Variants in CSN2 observed in about 807,000 individuals in gnomAD.
CSN2 encodes casein beta, also known as beta-casein.
In CSN2, 27 loss-of-function variants were observed where a neutral mutation model predicts 27.3. That is an observed-to-expected ratio of 0.99 (90% CI 0.73 to 1.36). The LOEUF (loss-of-function observed/expected upper bound fraction) is 1.36. CSN2 is among the 40% of genes most tolerant of loss of function. The probability of loss-of-function intolerance (pLI) is 0.00; values close to 1 mark genes in which losing one functional copy is unlikely to be tolerated. For synonymous variants in CSN2, 131 were observed against 94.8 expected (o/e 1.38, Z -2.22); for missense variants, 333 against 264.5 (o/e 1.26, Z -1.80).
At position 69,956,458 on chromosome 4, in the gene CSN2, C is replaced by CAG. The variant is rs1723399725; in HGVS notation, c.676-104_676-103insCT. ...AATAAGCATCTCCGTCTTTTGCCTTCATATATATTTACAGCAAAAACCAGA... is the reference window on the plus strand; with the variant it reads ...AATAAGCATCTCCGTCTTTTGCCTTCAGATATATATTTACAGCAAAAACCAGA... On this transcript the variant is annotated intron_variant, in intron 6 of 7. Transcript: ENST00000353151. The CAG allele has an allele frequency of 1.7e-5, 16 of 925,390 alleles. No individual in the cohort carries two copies. The East Asian group carries it at 5.6e-4, about 32-fold the overall frequency. The allele number at this position is 925,390 out of a possible 1,614,324, so 57.3% of individuals were successfully genotyped here.
intron 2 of CSN2, 146 bp downstream of exon 2, chr4:69,960,799 T>G (rs942790673): frequency 4.6e-6 from 3 of 652,056 alleles, no homozygotes; most frequent in Non-Finnish European, 7.8e-6. Flanking sequence ...TGGGTAAATA[T>G]AAATGATTTT....
At position 69,957,653 on chromosome 4, in the gene CSN2, A is replaced by C; in HGVS notation, c.296T>G (p.Met99Arg). 1 of 1,613,952 alleles carries C rather than the reference A, an allele frequency of 6.2e-7. No homozygotes were observed. The highest frequency in any genetic ancestry group is 8.5e-7 in the Non-Finnish European group (1 of 1,179,988). ...VVLPVPQPEIMEVPKAKDTVY... is the reference protein window; with the variant it reads ...VVLPVPQPEIREVPKAKDTVY... ...AGTGTCTTTAGCTTTAGGGACTTCC[A>C]TTATTTCAGGCTGAGGGACAGGCAG... The change falls in exon 6 of 8, where the codon ATG becomes AGG. Residue 99 changes from methionine to arginine, a missense_variant. Coordinates refer to ENST00000353151, the MANE Select transcript of CSN2 (RefSeq NM_001891.4).
chr4:69,963,773 AG>A (rs1443336937), intron 1 of CSN2, among the ~76,000 whole-genome samples: 1 of 152,254 alleles, frequency 6.6e-6, no homozygotes, highest in Admixed American at 6.5e-5. Flanking sequence ...ATTTAAAAAA[AG>A]ATTTATTCAT....
chr4:69,963,498 A>C (rs891047981), intron 1 of CSN2, among the ~76,000 whole-genome samples: 2 of 151,588 alleles, frequency 1.3e-5, no homozygotes, highest in Admixed American at 6.6e-5. Flanking sequence ...AAAAAAACCA[A>C]ACACCACATG....
Position 69,957,590 on chromosome 4 carries a change from G to A in CSN2, c.359C>T (p.Ser120Phe). The change falls in exon 6 of 8, where the codon TCT (serine) becomes TTT (phenylalanine). Residue 120 changes from serine to phenylalanine, a missense_variant. Coordinates refer to ENST00000353151, the MANE Select transcript of CSN2 (RefSeq NM_001891.4). ...TKGRVMPVLK[S>F]PTIPFFDPQI... is the part of the protein sequence containing the mutation. ...AGGGTCAAAAAAGGGTATCGTTGGAGATTTAAGGACAGGCATCACTCTGCC... is the reference window on the plus strand; with the variant it reads ...AGGGTCAAAAAAGGGTATCGTTGGAAATTTAAGGACAGGCATCACTCTGCC... The A allele has an allele frequency of 6.2e-7, 1 of 1,613,988 alleles. No homozygotes were observed. The highest frequency in any genetic ancestry group is 8.5e-7 in the Non-Finnish European group (1 of 1,179,996).
rs369031805 is a variant in CSN2, at chr4:69,956,281, G to A, written c.*36+33C>T. 23 of 1,319,244 alleles carry A rather than the reference G, an allele frequency of 1.7e-5. No individual in the cohort carries two copies. In the African/African-American group the frequency reaches 3.2e-4, roughly 18 times the overall value. 81.7% of individuals were successfully genotyped at this position (1,319,244 alleles called of 1,614,324 possible). ...GTAAAAAGACATCATGTATAAAAAT[G>A]ATCAATTAAATCTCCAAACTCCCAA... is the stretch of plus-strand genomic sequence containing the variant. On this transcript the variant is annotated intron_variant, in intron 7 of 7. Transcript: ENST00000353151.
At position 69,957,543 on chromosome 4, in the gene CSN2, G is replaced by A; in HGVS notation, c.406C>T (p.Leu136Phe). Residue 136 changes from leucine to phenylalanine, a missense_variant, in exon 6 of 8, where the codon CTT becomes TTT. Coordinates refer to ENST00000353151, the MANE Select transcript of CSN2 (RefSeq NM_001891.4). ...GGCAGAGGAAGATGCAGATTTTCAAGATCAGTGAGTTTTGGGATTTGAGGG... is the reference window on the plus strand; with the variant it reads ...GGCAGAGGAAGATGCAGATTTTCAAAATCAGTGAGTTTTGGGATTTGAGGG... The part of the protein sequence containing the change: ...FDPQIPKLTD[L>F]ENLHLPLPLL... 3 of 1,613,930 alleles carry A rather than the reference G, an allele frequency of 1.9e-6. No individual in the cohort carries two copies. In the East Asian group the frequency reaches 6.7e-5, roughly 36 times the overall value.
chr4:69,958,857 T>A, intron 5 of CSN2, 52 bp downstream of exon 5: 1 of 1,081,618 alleles, frequency 9.2e-7, no homozygotes, highest in Non-Finnish European at 1.3e-6. Flanking sequence ...TATTTTTGTA[T>A]GTATTATACT....
intron 3 of CSN2, 112 bp downstream of exon 3, chr4:69,959,941 A>C: frequency 1.1e-6 from 1 of 881,150 alleles, no homozygotes; most frequent in Non-Finnish European, 1.8e-6. Flanking sequence ...AATATGTACT[A>C]GAACTTATAT....
chr4:69,959,270 CA>C (rs151276704), intron 3 of CSN2, among the ~76,000 whole-genome samples: 5,447 of 151,326 alleles, frequency 0.036, 320 homozygotes, highest in African/African-American at 0.12. Context: ...GGACATGGTA[CA>C]AAAAAAAGCA....
rs753335299 is a variant in CSN2, at chr4:69,957,427, G to A, written c.522C>T (p.Pro174=). The change falls in exon 6 of 8, where the codon CCC becomes CCT. Residue 174 remains proline (P), a synonymous_variant. Coordinates refer to ENST00000353151, the MANE Select transcript of CSN2 (RefSeq NM_001891.4). Reference sequence around the variant, plus strand: ...CTTGCTGGGGGATAGGCAGGACTTTGGGCTGAGGAACAGACCACAGGGGCT... The same window carrying A: ...CTTGCTGGGGGATAGGCAGGACTTTAGGCTGAGGAACAGACCACAGGGGCT... ...PPQPLWSVPQ[P]KVLPIPQQVV... is the part of the protein sequence containing the mutation. The A allele has an allele frequency of 1.1e-5, 17 of 1,613,626 alleles. No individual in the cohort carries two copies. In the Middle Eastern group the frequency reaches 9.9e-4, roughly 94 times the overall value.
rs1182863100 is a variant in CSN2 at position 69,957,411 on chromosome 4, G to T, written c.538C>A (p.Pro180Thr). The change falls in exon 6 of 8, where the codon CCC (proline) becomes ACC (threonine). Residue 180 changes from proline to threonine, a missense_variant. Transcript: ENST00000353151. ...SVPQPKVLPI[P>T]QQVVPYPQRA... ...TGAGGGTAGGGCACCACTTGCTGGG[G>T]GATAGGCAGGACTTTGGGCTGAGGA... 6.2e-7 allele frequency: 1 copy of T among 1,613,526 alleles called. No individual in the cohort carries two copies. Among genetic ancestry groups the T allele is most frequent in the East Asian group, 2.2e-5 (1 of 44,854 alleles).
chr4:69,960,833 T>C (rs1381448466), intron 2 of CSN2, 112 bp downstream of exon 2: 2 of 840,140 alleles, frequency 2.4e-6, no homozygotes, highest in Non-Finnish European at 3.8e-6. Context: ...AGAATTCTCA[T>C]GAAATTCTTC....
At chr4:69,956,770 C>T (rs1282513708) in intron 6 of CSN2, among the ~76,000 whole-genome samples, 1 of 152,088 alleles carries the variant, frequency 6.6e-6, no homozygotes, top group East Asian at 1.9e-4. Context: ...AATCAGAATT[C>T]TCAACAGACT....
At chr4:69,961,801 T>C (rs564070628) in intron 1 of CSN2, among the ~76,000 whole-genome samples, 1 of 152,324 alleles carries the variant, frequency 6.6e-6, no homozygotes, top group Admixed American at 6.5e-5. Flanking sequence ...TTGTCCCTGT[T>C]TGCAGATGAC....
At chr4:69,963,656 C>A (rs1038891286) in intron 1 of CSN2, among the ~76,000 whole-genome samples, 1 of 152,082 alleles carries the variant, frequency 6.6e-6, no homozygotes, top group Non-Finnish European at 1.5e-5. Context: ...TTAATGGGTG[C>A]AGCACACCAA....
intron 2 of CSN2, 53 bp downstream of exon 2, chr4:69,960,892 G>T: frequency 7.4e-7 from 1 of 1,349,736 alleles, no homozygotes; most frequent in Non-Finnish European, 1.1e-6. Flanking sequence ...CTACAAATAA[G>T]CATATAGTCC....
rs1723437884 is a variant in CSN2, at chr4:69,957,466, A to G, written c.483T>C (p.Leu161=). 1 of 1,613,806 alleles carries G rather than the reference A, an allele frequency of 6.2e-7. No individual in the cohort carries two copies. Among genetic ancestry groups the G allele is most frequent in the East Asian group, 2.2e-5 (1 of 44,846 alleles). ...QQVPQPIPQT[L]ALPPQPLWSV... ...ACCACAGGGGCTGAGGGGGAAGTGC[A>G]AGAGTCTGAGGAATAGGCTGAGGGA... is the stretch of plus-strand genomic sequence containing the variant. Residue 161 remains leucine (L), a synonymous_variant, in exon 6 of 8, where the codon CTT becomes CTC. Transcript: ENST00000353151.
At chr4:69,957,174 A>G (rs2109741464) in intron 6 of CSN2, 100 bp downstream of exon 6, 2 of 1,221,170 alleles carry the variant, frequency 1.6e-6, no homozygotes, top group African/African-American at 3.1e-5. Context: ...TCACTTATCT[A>G]AACTGTTTTT....
Sources: gnomAD v4.1 joint callset for allele counts (sites outside exome capture counted in the v4.1 genomes callset) on GRCh38, gnomAD v4.1.1 for gene constraint, MANE v1.5 for transcripts, NCBI Gene and HGNC (gene_info 2026-07-23, HGNC 2026-07-21) for gene names.